The following TTC28 variants were observed in gnomAD, a reference collection of about 807,000 sequenced individuals.
The protein encoded by TTC28 is tetratricopeptide repeat protein 28.
TTC28 carries 61 observed loss-of-function variants against 198.0 expected under a neutral mutation model. The ratio of observed to expected loss-of-function variants is 0.31; its 90% confidence interval spans 0.25 to 0.38. The LOEUF (loss-of-function observed/expected upper bound fraction) is 0.38. Ranked by LOEUF, TTC28 falls within the 10% of genes least tolerant of loss-of-function variation. The pLI, the probability that TTC28 is intolerant of heterozygous loss-of-function variation, is 1.00. For synonymous variants in TTC28, 1,171 were observed against 1,297.8 expected (o/e 0.90, Z 2.10); for missense variants, 2,678 against 3,164.0 (o/e 0.85, Z 3.69).
Position 28,096,394 on chromosome 22 carries a change from C to A in TTC28, c.3562G>T (p.Ala1188Ser). Residue 1188 changes from alanine to serine, a missense_variant, in exon 11 of 23, where the codon GCC becomes TCC. Ala to Ser is a moderately conservative substitution (Grantham distance 99). Around this residue, in one of 8 missense-constraint regions of TTC28, gnomAD observed 727 missense variants for 861.9 expected, o/e 0.84. Coordinates refer to ENST00000397906, the MANE Select transcript of TTC28 (RefSeq NM_001145418.2). ...VLVSLGHHDE[A>S]LAVAERGRTR... ...CGTCCCCTTTCTGCCACAGCCAGGG[C>A]TTCATCATGATGGCCTAGGAGACAA... 1 of 1,551,338 alleles carries A rather than the reference C, an allele frequency of 6.4e-7. No homozygotes were observed. Among genetic ancestry groups the A allele is most frequent in the Non-Finnish European group, 8.7e-7 (1 of 1,147,026 alleles).
chr22:28,480,192 T>C (rs2048225280), intron 2 of TTC28, among the ~76,000 whole-genome samples: 1 of 152,210 alleles, frequency 6.6e-6, no homozygotes, highest in Non-Finnish European at 1.5e-5. Context: ...CCTACAAGCA[T>C]TCATTCTAAA....
intron 2 of TTC28, among the ~76,000 whole-genome samples, chr22:28,592,088 C>T (rs1001446462): frequency 5.3e-5 from 8 of 151,932 alleles, no homozygotes; most frequent in African/African-American, 1.9e-4. Flanking sequence ...CATGGAAGGG[C>T]AAGGCCTGCA....
At chr22:28,014,143 G>A in intron 14 of TTC28, 105 bp downstream of exon 14, 1 of 1,368,198 alleles carries the variant, frequency 7.3e-7, no homozygotes, top group Non-Finnish European at 9.7e-7. Context: ...GCCTCCGGTT[G>A]TCTCGGGAGC....
intron 2 of TTC28, among the ~76,000 whole-genome samples, chr22:28,609,229 GAAAAAC>G (rs2050780237): frequency 6.6e-6 from 1 of 152,042 alleles, no homozygotes; most frequent in African/African-American, 2.4e-5. Flanking sequence ...TATGTTTTTT[GAAAAAC>G]CAAATAATTC....
chr22:28,349,010 C>A (rs1436666425), intron 2 of TTC28, among the ~76,000 whole-genome samples: 1 of 152,154 alleles, frequency 6.6e-6, no homozygotes, highest in Non-Finnish European at 1.5e-5. Context: ...TGACAAAAAA[C>A]AAAATCAATA....
intron 12 of TTC28, among the ~76,000 whole-genome samples, chr22:28,086,021 C>G (rs111553273): frequency 1.3e-5 from 2 of 152,070 alleles, no homozygotes; most frequent in African/African-American, 4.8e-5. Context: ...AGCAAGTCCT[C>G]AGTGACCTAC....
chr22:28,152,029 C>T (rs543195166), intron 6 of TTC28, among the ~76,000 whole-genome samples: 9 of 152,290 alleles, frequency 5.9e-5, no homozygotes, highest in Admixed American at 3.9e-4. Context: ...CAAAAGACAA[C>T]ATGAAGATCT....
At chr22:28,171,719 T>C (rs1242907678) in intron 5 of TTC28, among the ~76,000 whole-genome samples, 1 of 151,378 alleles carries the variant, frequency 6.6e-6, no homozygotes, top group Non-Finnish European at 1.5e-5. Context: ...AGGAAATAAA[T>C]ACTTAGAAAT....
intron 5 of TTC28, among the ~76,000 whole-genome samples, chr22:28,197,073 A>G (rs1925425152): frequency 6.6e-6 from 1 of 152,114 alleles, no homozygotes; most frequent in Non-Finnish European, 1.5e-5. Context: ...CATATACACC[A>G]TGGAATACTA....
At chr22:28,370,075 G>C (rs928190366) in intron 2 of TTC28, among the ~76,000 whole-genome samples, 4 of 152,136 alleles carry the variant, frequency 2.6e-5, no homozygotes, top group South Asian at 4.1e-4. Context: ...GTGGGGCTTA[G>C]CCAGTGAGAG....
At chr22:28,678,073 A>G (rs2052030440) in intron 1 of TTC28, among the ~76,000 whole-genome samples, 1 of 152,212 alleles carries the variant, frequency 6.6e-6, no homozygotes, top group Non-Finnish European at 1.5e-5. Flanking sequence ...ATAAATGTAG[A>G]TATTTACCTG....
chr22:28,649,675 T>C (rs2146259075), intron 1 of TTC28, among the ~76,000 whole-genome samples: 1 of 152,308 alleles, frequency 6.6e-6, no homozygotes, highest in Non-Finnish European at 1.5e-5. Flanking sequence ...CACTACCATT[T>C]TATATGGTAA....
At chr22:28,559,992 T>C (rs2049843885) in intron 2 of TTC28, among the ~76,000 whole-genome samples, 1 of 152,132 alleles carries the variant, frequency 6.6e-6, no homozygotes, top group South Asian at 2.1e-4. Flanking sequence ...CTAAGAGGAA[T>C]CTCAAATTTA....
At chr22:28,433,754 G>A (rs1046108287) in intron 2 of TTC28, among the ~76,000 whole-genome samples, 11 of 152,006 alleles carry the variant, frequency 7.2e-5, no homozygotes, top group Admixed American at 7.2e-4. Flanking sequence ...TCTAATACTA[G>A]TTCCTTCCAC....
Position 28,163,170 on chromosome 22 carries a change from G to C in TTC28, c.1363C>G (p.Gln455Glu), listed in dbSNP as rs774137902. ...ATGCCCAGCTGCTGCTCATGGTATT[G>C]TTTAGCTCTCTCCAAATCCTGCATG... Reference protein sequence around the residue: ...RCMQDLERAKQYHEQQLGIAE... With the variant: ...RCMQDLERAKEYHEQQLGIAE... The change falls in exon 6 of 23, where the codon CAA (glutamine) becomes GAA (glutamate). Residue 455 changes from glutamine (Q) to glutamate (E), a missense_variant. Around this residue, in one of 8 missense-constraint regions of TTC28, gnomAD observed 775 missense variants for 845.9 expected, o/e 0.92. Transcript: ENST00000397906. 32 of 1,551,566 alleles carry C rather than the reference G, an allele frequency of 2.1e-5. No individual in the cohort carries two copies. Among genetic ancestry groups the C allele is most frequent in the Middle Eastern group, 1.7e-4 (1 of 6,014 alleles).
intron 1 of TTC28, among the ~76,000 whole-genome samples, chr22:28,644,815 C>T (rs1200803233): frequency 1.3e-5 from 2 of 151,874 alleles, no homozygotes; most frequent in Non-Finnish European, 2.9e-5. Flanking sequence ...AAAGTGAGAA[C>T]CTGTCTCAAA....
intron 2 of TTC28, among the ~76,000 whole-genome samples, chr22:28,413,053 T>C (rs2047108161): frequency 6.6e-6 from 1 of 152,232 alleles, no homozygotes; most frequent in South Asian, 2.1e-4. Context: ...GTTATTTATA[T>C]ATCTAATGCC....
chr22:28,351,473 G>C (rs530522957), intron 2 of TTC28, among the ~76,000 whole-genome samples: 1 of 152,296 alleles, frequency 6.6e-6, no homozygotes, highest in Non-Finnish European at 1.5e-5. Flanking sequence ...AAAAGCCTTT[G>C]TGAATAATTG....
intron 2 of TTC28, among the ~76,000 whole-genome samples, chr22:28,591,275 T>A (rs533014638): frequency 6.6e-6 from 1 of 150,646 alleles, no homozygotes; most frequent in African/African-American, 2.4e-5. Flanking sequence ...ACCTGACTAT[T>A]TTTTTTATAT....
Sources: gnomAD v4.1 joint callset for allele counts (sites outside exome capture counted in the v4.1 genomes callset) on GRCh38, gnomAD v4.1.1 for gene constraint, gnomAD v4.1.1 regional missense constraint, MANE v1.5 for transcripts, NCBI Gene and HGNC (gene_info 2026-07-23, HGNC 2026-07-21) for gene names.